Variants in BCAR3 observed in about 807,000 individuals in gnomAD.
The protein encoded by BCAR3 is BCAR3 adaptor protein, NSP family member.
Under a neutral mutation model 80.1 loss-of-function variants are expected in BCAR3, and 37 were observed. The observed-to-expected ratio is 0.46, with a 90% CI of 0.36 to 0.61. The LOEUF is 0.61. Ranked by LOEUF, BCAR3 falls within the 20% of genes least tolerant of loss-of-function variation. The probability of loss-of-function intolerance (pLI) is 0.00; values close to 1 mark genes in which losing one functional copy is unlikely to be tolerated. For synonymous variants in BCAR3, 389 were observed against 418.9 expected, an observed-to-expected ratio of 0.93 and a Z score of 0.87; for missense variants, 978 against 1,068.2, an observed-to-expected ratio of 0.92 and a Z score of 1.18.
At chr1:93,708,858 G>A (rs1202939386) in intron 2 of BCAR3, among the ~76,000 whole-genome samples, 1 of 152,256 alleles carries the variant, frequency 6.6e-6, no homozygotes, top group Admixed American at 6.5e-5. Context: ...ACACAGGCAG[G>A]AGGAGGTTGG....
At chr1:93,759,489 G>C (rs1465433410) in intron 2 of BCAR3, among the ~76,000 whole-genome samples, 2 of 152,152 alleles carry the variant, frequency 1.3e-5, no homozygotes, top group African/African-American at 4.8e-5. Flanking sequence ...TGGGTGCTAG[G>C]GGAAGGAGTG....
At chr1:93,607,529 A>T (rs988026312) in intron 3 of BCAR3, among the ~76,000 whole-genome samples, 2 of 151,768 alleles carry the variant, frequency 1.3e-5, no homozygotes, top group Non-Finnish European at 2.9e-5. Context: ...CTGCTCCTCA[A>T]ACTCATCCCA....
At chr1:93,645,658 A>G (rs564592834) in intron 2 of BCAR3, among the ~76,000 whole-genome samples, 209 of 142,366 alleles carry the variant, frequency 1.5e-3, no homozygotes, top group African/African-American at 4.4e-3. Context: ...GTGTGTGTGT[A>G]TATATATGTA....
intron 2 of BCAR3, among the ~76,000 whole-genome samples, chr1:93,821,854 C>T (rs777371301): frequency 1.6e-4 from 24 of 152,226 alleles, no homozygotes; most frequent in Non-Finnish European, 2.6e-4. Context: ...AATTAGATTG[C>T]TCAGAGAGTT....
At chr1:93,784,460 C>T (rs1402841211) in intron 2 of BCAR3, among the ~76,000 whole-genome samples, 1 of 152,140 alleles carries the variant, frequency 6.6e-6, no homozygotes, top group East Asian at 1.9e-4. Context: ...ACCTTTCCTA[C>T]TCCTAAGTGC....
chr1:93,833,029 G>A (rs1278364903), intron 2 of BCAR3, among the ~76,000 whole-genome samples: 1 of 151,990 alleles, frequency 6.6e-6, no homozygotes, highest in Non-Finnish European at 1.5e-5. Flanking sequence ...CACCCTACTG[G>A]GGGAACTAGC....
chr1:93,678,600 C>T (rs1032411279), intron 1 of BCAR3, among the ~76,000 whole-genome samples: 11 of 152,208 alleles, frequency 7.2e-5, no homozygotes, highest in African/African-American at 2.4e-4. Flanking sequence ...CTCCTGCTCT[C>T]ATGGAGGAAT....
At chr1:93,644,078 C>G (rs1676078719) in intron 2 of BCAR3, among the ~76,000 whole-genome samples, 1 of 152,116 alleles carries the variant, frequency 6.6e-6, no homozygotes, top group Admixed American at 6.5e-5. Context: ...ACAAGAAAGT[C>G]AAAATATTTT....
At chr1:93,666,435 A>T (rs1444841672) in intron 2 of BCAR3, among the ~76,000 whole-genome samples, 2 of 152,160 alleles carry the variant, frequency 1.3e-5, no homozygotes, top group Non-Finnish European at 2.9e-5. Context: ...TCTCTCCACC[A>T]GTCTAAGTAA....
chr1:93,563,850 G>A lies in BCAR3; in HGVS notation c.2300-1431C>T, dbSNP rs144265727. On this transcript the variant is annotated intron_variant, in intron 11 of 11. Coordinates refer to ENST00000260502, the MANE Select transcript of BCAR3 (RefSeq NM_003567.4). ...TGGGACTACAGGTGTGTGCTACCACGCCTGGCTAATTTTTTGTATTTTCAG... is the reference window on the plus strand; with the variant it reads ...TGGGACTACAGGTGTGTGCTACCACACCTGGCTAATTTTTTGTATTTTCAG... Among the ~76,000 whole-genome samples, 196 of 152,140 alleles carry A rather than the reference G, an allele frequency of 1.3e-3. 6 individuals are homozygous for A. The East Asian group carries it at 0.036, about 28-fold the overall frequency.
At chr1:93,843,954 T>C (rs1040759940) in intron 2 of BCAR3, among the ~76,000 whole-genome samples, 2 of 152,186 alleles carry the variant, frequency 1.3e-5, no homozygotes, top group Admixed American at 6.5e-5. Flanking sequence ...TGCAAATATA[T>C]ACAGTAGAAG....
At chr1:93,685,612 T>C (rs1004518419), upstream of BCAR3, among the ~76,000 whole-genome samples, 8 of 152,190 alleles carry the variant, frequency 5.3e-5, no homozygotes, top group African/African-American at 1.9e-4. Flanking sequence ...TGGCAATAAA[T>C]AAAATGTGCA....
intron 2 of BCAR3, among the ~76,000 whole-genome samples, chr1:93,669,955 G>A (rs1273144760): frequency 2.6e-5 from 4 of 152,118 alleles, no homozygotes; most frequent in South Asian, 4.1e-4. Context: ...GGAGGGGAGC[G>A]AGGGATAAAA....
intron 3 of BCAR3, among the ~76,000 whole-genome samples, chr1:93,696,043 T>TC (rs946871960): frequency 1.4e-4 from 15 of 108,210 alleles, no homozygotes; most frequent in South Asian, 4.7e-4. Flanking sequence ...TGCTTCTCTC[T>TC]TTTTTTTTTT....
chr1:93,673,228 C>T (rs12090909), intron 2 of BCAR3, among the ~76,000 whole-genome samples: 2,296 of 152,282 alleles, frequency 0.015, 60 homozygotes, highest in African/African-American at 0.052. Context: ...CTACCTAATG[C>T]GCTCACTAGA....
At chr1:93,667,397 A>C (rs1488656551) in intron 2 of BCAR3, among the ~76,000 whole-genome samples, 1 of 151,938 alleles carries the variant, frequency 6.6e-6, no homozygotes, top group Non-Finnish European at 1.5e-5. Context: ...CCTTCATAGC[A>C]CTTCTCGGAT....
chr1:93,722,205 T>C (rs1006170402), intron 2 of BCAR3, among the ~76,000 whole-genome samples: 4 of 152,190 alleles, frequency 2.6e-5, no homozygotes, highest in African/African-American at 4.8e-5. Flanking sequence ...CCGGATCCCA[T>C]GCACTCATAA....
intron 4 of BCAR3, among the ~76,000 whole-genome samples, chr1:93,590,658 T>C (rs928978741): frequency 1.3e-5 from 2 of 152,230 alleles, no homozygotes; most frequent in Non-Finnish European, 2.9e-5. Context: ...TAGGTCAAAA[T>C]AGTAGGCTAC....
intron 2 of BCAR3, among the ~76,000 whole-genome samples, chr1:93,748,424 T>C (rs1651431893): frequency 6.6e-6 from 1 of 152,272 alleles, no homozygotes; most frequent in Middle Eastern, 3.4e-3. Flanking sequence ...CATTTACCCA[T>C]CCCCAAGAAC....
Sources: allele counts gnomAD v4.1 joint callset (sites outside exome capture counted in the v4.1 genomes callset), GRCh38; gene constraint gnomAD v4.1.1; transcripts MANE v1.5; gene names NCBI Gene and HGNC (gene_info 2026-07-23, HGNC 2026-07-21).